SLC25A21: variants seen among roughly 807,000 people sequenced by gnomAD.
The protein encoded by SLC25A21 is mitochondrial 2-oxodicarboxylate carrier.
SLC25A21 carries 47 observed loss-of-function variants against 43.8 expected under a neutral mutation model. That is an observed-to-expected ratio of 1.07 (90% confidence interval 0.85 to 1.37). SLC25A21 has a LOEUF of 1.37. Ranked by LOEUF, SLC25A21 falls within the 40% of genes most tolerant of loss-of-function variation. The pLI is 0.00. For synonymous variants in SLC25A21, 131 were observed against 121.3 expected (o/e 1.08, Z -0.52); for missense variants, 352 against 350.2 (o/e 1.00, Z -0.04).
At chr14:36,751,381 T>C (rs1315042236) in intron 3 of SLC25A21, among the ~76,000 whole-genome samples, 2 of 152,216 alleles carry the variant, frequency 1.3e-5, no homozygotes, top group Non-Finnish European at 2.9e-5. Context: ...TTATGCTTTA[T>C]GCAATGAACC....
At chr14:37,132,117 G>A (rs549169202) in intron 1 of SLC25A21, among the ~76,000 whole-genome samples, 2 of 152,316 alleles carry the variant, frequency 1.3e-5, no homozygotes, top group Admixed American at 6.5e-5. Flanking sequence ...GAGAGCATAC[G>A]TGTGAGAATG....
At chr14:36,757,648 C>T (rs766089255) in intron 3 of SLC25A21, among the ~76,000 whole-genome samples, 14 of 152,114 alleles carry the variant, frequency 9.2e-5, no homozygotes, top group South Asian at 2.1e-4. Flanking sequence ...TATGAAGGTG[C>T]TACAATTTTT....
chr14:36,820,220 C>A (rs1167891644), intron 2 of SLC25A21, among the ~76,000 whole-genome samples: 1 of 152,148 alleles, frequency 6.6e-6, no homozygotes. Context: ...CTGCCTTCTC[C>A]CATTCAGCTC....
At chr14:36,835,204 G>T (rs1889167601) in intron 2 of SLC25A21, among the ~76,000 whole-genome samples, 3 of 152,190 alleles carry the variant, frequency 2.0e-5, no homozygotes, top group African/African-American at 7.2e-5. Context: ...GCTAACCATT[G>T]CCTGAGGCTG....
Position 37,065,033 on chromosome 14 carries a change from A to G in SLC25A21, c.70+107248T>C, listed in dbSNP as rs184627518. 1.2e-3 allele frequency among the ~76,000 whole-genome samples: 186 copies of G among 152,310 alleles called. 1 individual carries two copies. The highest frequency in any genetic ancestry group is 9.7e-4 in the East Asian group (5 of 5,176). ...CTTATGGTCTATTTGGAAAAGACTG[A>G]CAGGAAAACAAAACAAACAAACCAT... On this transcript the variant is annotated intron_variant, in intron 1 of 9. Coordinates refer to ENST00000331299, the MANE Select transcript of SLC25A21 (RefSeq NM_030631.4).
At chr14:36,793,920 GA>G (rs57263212) in intron 3 of SLC25A21, among the ~76,000 whole-genome samples, 6,062 of 111,508 alleles carry the variant, frequency 0.054, 387 homozygotes, top group African/African-American at 0.18. Context: ...TGCAGATCAG[GA>G]AAAAAAAAAA....
At chr14:36,928,052 C>T (rs1159225992) in intron 1 of SLC25A21, among the ~76,000 whole-genome samples, 1 of 152,100 alleles carries the variant, frequency 6.6e-6, no homozygotes, top group East Asian at 1.9e-4. Context: ...ATAGAACAAG[C>T]AGTGATTTCT....
intron 1 of SLC25A21, among the ~76,000 whole-genome samples, chr14:36,990,026 C>T (rs987184457): frequency 1.3e-5 from 2 of 152,084 alleles, no homozygotes; most frequent in Non-Finnish European, 2.9e-5. Context: ...ACTCTAAGTA[C>T]GAGGGGTTTC....
chr14:37,117,961 G>T (rs1470862800), intron 1 of SLC25A21, among the ~76,000 whole-genome samples: 2 of 151,800 alleles, frequency 1.3e-5, no homozygotes, highest in East Asian at 3.9e-4. Context: ...ACTACAAAAT[G>T]ATTCTTTTTT....
At chr14:36,837,636 A>G (rs1258115202) in intron 2 of SLC25A21, among the ~76,000 whole-genome samples, 1 of 152,162 alleles carries the variant, frequency 6.6e-6, no homozygotes, top group Non-Finnish European at 1.5e-5. Context: ...CAATGGCTAC[A>G]GCTGGAGTAA....
intron 1 of SLC25A21, among the ~76,000 whole-genome samples, chr14:36,917,829 A>G (rs1891871851): frequency 6.6e-6 from 1 of 152,194 alleles, no homozygotes; most frequent in Non-Finnish European, 1.5e-5. Flanking sequence ...AAAGATTAAA[A>G]ATACTTACAG....
In SLC25A21 at chr14:36,939,591, A is replaced by G. The variant is rs769369479; in HGVS notation, c.71-64587T>C. 9.9e-5 allele frequency among the ~76,000 whole-genome samples: 15 copies of G among 152,122 alleles called. No individual in the cohort carries two copies. In the South Asian group the frequency reaches 1.0e-3, roughly 11 times the overall value. Reference sequence around the variant, plus strand: ...TCTCCTTTCTCCCAACTTCTTGAAAATCTTCCTCTTGCTGTCCTATGTGAG... The same window carrying G: ...TCTCCTTTCTCCCAACTTCTTGAAAGTCTTCCTCTTGCTGTCCTATGTGAG... On this transcript the variant is annotated intron_variant, in intron 1 of 9. Transcript: ENST00000331299.
chr14:36,837,690 T>A (rs848054), intron 2 of SLC25A21, among the ~76,000 whole-genome samples: 1 of 151,914 alleles, frequency 6.6e-6, no homozygotes, highest in East Asian at 1.9e-4. Context: ...AAGGAAGCAA[T>A]GACACCTTGG....
chr14:36,737,648 C>T (rs1199011787), intron 3 of SLC25A21, among the ~76,000 whole-genome samples: 1 of 152,142 alleles, frequency 6.6e-6, no homozygotes, highest in Non-Finnish European at 1.5e-5. Context: ...CTGAGGACTG[C>T]CCCATCAAGT....
intron 1 of SLC25A21, 87 bp downstream of exon 1, chr14:37,172,194 G>A (rs1964143701): frequency 1.5e-6 from 2 of 1,351,936 alleles, no homozygotes; most frequent in Admixed American, 2.3e-5. Flanking sequence ...CAGAACTTCA[G>A]TAAGGAGACC....
At chr14:37,087,193 A>AT (rs1285901444) in intron 1 of SLC25A21, among the ~76,000 whole-genome samples, 2 of 152,244 alleles carry the variant, frequency 1.3e-5, no homozygotes, top group East Asian at 1.9e-4. Context: ...CTGTGAATTC[A>AT]TTTTTTCAAT....
chr14:36,975,872 T>C (rs1292061576), intron 1 of SLC25A21, among the ~76,000 whole-genome samples: 1 of 152,102 alleles, frequency 6.6e-6, no homozygotes, highest in South Asian at 2.1e-4. Context: ...CCTGCAGAAG[T>C]AGAGTCACAG....
chr14:36,728,318 C>T (rs983745564), intron 5 of SLC25A21, among the ~76,000 whole-genome samples: 2 of 151,970 alleles, frequency 1.3e-5, no homozygotes, highest in Non-Finnish European at 2.9e-5. Context: ...CAAAGACCTA[C>T]AGTTTCTCAC....
At chr14:37,027,592 C>T (rs752189546) in intron 1 of SLC25A21, among the ~76,000 whole-genome samples, 8 of 152,150 alleles carry the variant, frequency 5.3e-5, no homozygotes, top group Admixed American at 2.6e-4. Context: ...GTGTGCTCAG[C>T]GGCTGTGGCA....
Sources: gnomAD v4.1 joint callset for allele counts (sites outside exome capture counted in the v4.1 genomes callset) on GRCh38, gnomAD v4.1.1 for gene constraint, MANE v1.5 for transcripts, NCBI Gene and HGNC (gene_info 2026-07-23, HGNC 2026-07-21) for gene names.